DCC: variants seen among roughly 807,000 people sequenced by gnomAD.
The protein encoded by DCC is DCC netrin 1 receptor, also known as netrin receptor DCC.
A neutral mutation model predicts 172.5 loss-of-function variants in DCC; 58 were observed. The ratio of observed to expected loss-of-function variants is 0.34; its 90% CI spans 0.27 to 0.42. The LOEUF is 0.42. DCC is among the 10% of genes least tolerant of loss of function. The pLI is 1.00. For synonymous variants in DCC, 709 were observed against 644.5 expected, an observed-to-expected ratio of 1.10 and a Z score of -1.52; for missense variants, 1,740 against 1,791.0, an observed-to-expected ratio of 0.97 and a Z score of 0.51.
At chr18:53,176,994 C>T (rs569618088) in intron 8 of DCC, among the ~76,000 whole-genome samples, 7 of 151,994 alleles carry the variant, frequency 4.6e-5, no homozygotes, top group Admixed American at 2.0e-4. Context: ...GAATACTATG[C>T]GGCCATAAAA....
intron 1 of DCC, among the ~76,000 whole-genome samples, chr18:52,551,708 A>G (rs1261900940): frequency 6.7e-6 from 1 of 149,814 alleles, no homozygotes; most frequent in Non-Finnish European, 1.5e-5. Context: ...GCCTCCCTTT[A>G]TCACCCCTTA....
intron 5 of DCC, among the ~76,000 whole-genome samples, chr18:52,938,992 A>C (rs933881873): frequency 2.0e-5 from 3 of 152,148 alleles, no homozygotes; most frequent in African/African-American, 7.2e-5. Flanking sequence ...GAAGAGGTTA[A>C]TCATGGGATG....
rs533743206 is a variant in DCC, at chr18:53,239,227, G to GA, written c.1911+23642dup. On this transcript the variant is annotated intron_variant, in intron 12 of 28. Coordinates refer to ENST00000442544, the MANE Select transcript of DCC (RefSeq NM_005215.4). ...AAATAAATAAATAAAAAATAAAAATGAAAAAAAAAAAACTCCAGCAAAGTC... is the reference window on the plus strand; with the variant it reads ...AAATAAATAAATAAAAAATAAAAATGAAAAAAAAAAAAACTCCAGCAAAGTC... Among the ~76,000 whole-genome samples the GA allele has an allele frequency of 4.5e-3, 574 of 126,602 alleles. 3 individuals carry two copies. The highest frequency in any genetic ancestry group is 8.9e-3 in the Middle Eastern group (2 of 224). 83.1% of individuals were successfully genotyped at this position (126,602 alleles called of 152,430 possible). A position where few individuals can be genotyped will look rare whatever the true frequency, so the allele number is the denominator to read the frequency against.
intron 2 of DCC, among the ~76,000 whole-genome samples, chr18:52,875,584 A>G (rs1400768770): frequency 6.6e-6 from 1 of 152,206 alleles, no homozygotes; most frequent in African/African-American, 2.4e-5. Flanking sequence ...ATGCTATAGC[A>G]TAAAATATTC....
At chr18:52,487,293 G>T (rs754486730) in intron 1 of DCC, among the ~76,000 whole-genome samples, 29 of 152,066 alleles carry the variant, frequency 1.9e-4, no homozygotes, top group Admixed American at 6.6e-4. Flanking sequence ...AACTAGAAGG[G>T]CTCAAAGTGT....
chr18:53,023,165 A>G (rs2143928454), intron 5 of DCC, among the ~76,000 whole-genome samples: 1 of 152,084 alleles, frequency 6.6e-6, no homozygotes, highest in East Asian at 1.9e-4. Flanking sequence ...TTAACAGTAT[A>G]GAAGTATTTA....
At chr18:52,943,608 A>G (rs1457693698) in intron 5 of DCC, among the ~76,000 whole-genome samples, 1 of 152,184 alleles carries the variant, frequency 6.6e-6, no homozygotes, top group Non-Finnish European at 1.5e-5. Context: ...TTACAGTTAA[A>G]ATTTAAATAT....
At chr18:53,111,975 C>A (rs544300643) in intron 7 of DCC, among the ~76,000 whole-genome samples, 4 of 151,462 alleles carry the variant, frequency 2.6e-5, no homozygotes, top group African/African-American at 9.7e-5. Flanking sequence ...AAGAAAACAC[C>A]CATTTCATCG....
chr18:53,353,031 G>T (rs1248803234), intron 15 of DCC, among the ~76,000 whole-genome samples: 1 of 150,256 alleles, frequency 6.7e-6, no homozygotes, highest in African/African-American at 2.5e-5. Flanking sequence ...AAGTGGGGTG[G>T]TTTGAAAGAG....
At chr18:52,827,791 C>T (rs970329520) in intron 2 of DCC, among the ~76,000 whole-genome samples, 5 of 152,052 alleles carry the variant, frequency 3.3e-5, no homozygotes, top group Admixed American at 6.6e-5. Flanking sequence ...ATGTATTCCC[C>T]TTGCTTTTCT....
chr18:52,918,936 C>T (rs2040078978), intron 3 of DCC, among the ~76,000 whole-genome samples: 1 of 152,074 alleles, frequency 6.6e-6, no homozygotes, highest in South Asian at 2.1e-4. Context: ...TTTAATGACT[C>T]AAAACAGTAA....
chr18:53,223,812 A>G (rs541480978), intron 12 of DCC, among the ~76,000 whole-genome samples: 8 of 152,324 alleles, frequency 5.3e-5, no homozygotes, highest in South Asian at 4.1e-4. Context: ...GATTTAACAC[A>G]TTAACACGAG....
chr18:52,822,304 C>A (rs1292695811), intron 2 of DCC, among the ~76,000 whole-genome samples: 1 of 152,152 alleles, frequency 6.6e-6, no homozygotes, highest in Non-Finnish European at 1.5e-5. Flanking sequence ...TAAGTGCCAA[C>A]AAGGAGTGAA....
intron 2 of DCC, among the ~76,000 whole-genome samples, chr18:52,903,363 C>T (rs2145442141): frequency 6.6e-6 from 1 of 152,142 alleles, no homozygotes; most frequent in East Asian, 1.9e-4. Flanking sequence ...TGCCACCACA[C>T]CTGGGTAATT....
At chr18:53,344,501 G>A (rs1353315474) in intron 15 of DCC, among the ~76,000 whole-genome samples, 53 of 135,702 alleles carry the variant, frequency 3.9e-4, no homozygotes, top group South Asian at 2.4e-4. Flanking sequence ...GGAGTGCAGT[G>A]GTGTGATCTT....
At chr18:52,861,235 G>T (rs1469207830) in intron 2 of DCC, among the ~76,000 whole-genome samples, 1 of 152,222 alleles carries the variant, frequency 6.6e-6, no homozygotes, top group African/African-American at 2.4e-5. Context: ...TACTTGCAAG[G>T]TCAGGAACCT....
At chr18:52,428,004 C>T (rs1987499024) in intron 1 of DCC, among the ~76,000 whole-genome samples, 1 of 152,020 alleles carries the variant, frequency 6.6e-6, no homozygotes, top group Non-Finnish European at 1.5e-5. Flanking sequence ...GTCTCTAGGA[C>T]CAAATTGTCT....
intron 5 of DCC, among the ~76,000 whole-genome samples, chr18:53,045,721 T>C (rs942083944): frequency 6.6e-6 from 1 of 151,952 alleles, no homozygotes; most frequent in Admixed American, 6.6e-5. Context: ...AAAAGTCTAA[T>C]GTATGCCTTT....
chr18:53,393,019 C>A (rs550890780), intron 17 of DCC, among the ~76,000 whole-genome samples: 1 of 152,110 alleles, frequency 6.6e-6, no homozygotes, highest in Admixed American at 6.6e-5. Context: ...TTCTCTTAAC[C>A]GCTTGATTGG....
Sources: allele counts gnomAD v4.1 joint callset (sites outside exome capture counted in the v4.1 genomes callset), GRCh38; gene constraint gnomAD v4.1.1; transcripts MANE v1.5; gene names NCBI Gene and HGNC (gene_info 2026-07-23, HGNC 2026-07-21).